The following PRKD1 variants were observed in gnomAD, a reference collection of about 807,000 sequenced individuals.
PRKD1 encodes the protein serine/threonine-protein kinase D1.
PRKD1 carries 63 observed loss-of-function variants against 95.9 expected under a neutral mutation model. That is an observed-to-expected ratio of 0.66 (90% CI 0.54 to 0.81). The LOEUF (loss-of-function observed/expected upper bound fraction) is 0.81, where lower values mean the gene tolerates loss of function less well. PRKD1 is among the 30% of genes least tolerant of loss of function. The pLI is 0.00. For synonymous variants in PRKD1, 425 were observed against 423.1 expected (o/e 1.00, Z -0.05); for missense variants, 1,048 against 1,165.3 (o/e 0.90, Z 1.47).
intron 2 of PRKD1, among the ~76,000 whole-genome samples, chr14:29,683,308 C>T (rs796179018): frequency 1.3e-5 from 2 of 152,274 alleles, no homozygotes; most frequent in African/African-American, 4.8e-5. Flanking sequence ...TGAGCCCTTA[C>T]AACTGACCAG....
At chr14:29,917,969 T>C (rs1429833089) in intron 1 of PRKD1, among the ~76,000 whole-genome samples, 1 of 152,150 alleles carries the variant, frequency 6.6e-6, no homozygotes, top group Non-Finnish European at 1.5e-5. Flanking sequence ...GGGGTACATG[T>C]ACGGTTTTGT....
At position 29,638,699 on chromosome 14, in the gene PRKD1, C is replaced by T; in HGVS notation, c.902G>A (p.Cys301Tyr). 1 of 1,614,082 alleles carries T rather than the reference C, an allele frequency of 6.2e-7. No homozygotes were observed. The highest frequency in any genetic ancestry group is 8.5e-7 in the Non-Finnish European group (1 of 1,179,978). The part of the protein sequence containing the change: ...LKGLFRQGLQ[C>Y]KDCRFNCHKR... ...GGTGACAAAATCATCCTTACCTTTG[C>T]ACTGCAAGCCCTGCCTGAAAAGCCC... Residue 301 changes from cysteine (C) to tyrosine (Y), a missense_variant, in exon 5 of 18, where the codon TGC becomes TAC. By Grantham distance (194) the Cys-to-Tyr change is radical. Transcript: ENST00000331968.
intron 13 of PRKD1, among the ~76,000 whole-genome samples, chr14:29,613,968 TTGAA>T (rs1878666131): frequency 6.6e-6 from 1 of 152,204 alleles, no homozygotes; most frequent in South Asian, 2.1e-4. Flanking sequence ...TAATTATACT[TTGAA>T]TGAATGAATG....
At position 29,811,140 on chromosome 14, in the gene PRKD1, TG is replaced by T. The variant is rs1199500709; in HGVS notation, c.265-85467del. Reference sequence around the variant, plus strand: ...CCTTGTTCATAAAGCAGAGGAAAAGTGCCATTAAAGGTACTAAAATATCAAG... The same window carrying T: ...CCTTGTTCATAAAGCAGAGGAAAAGTCCATTAAAGGTACTAAAATATCAAG... On this transcript the variant is annotated intron_variant, in intron 1 of 17. Transcript: ENST00000331968. Among the ~76,000 whole-genome samples the T allele has an allele frequency of 9.9e-5, 15 of 152,278 alleles. No individual in the cohort carries two copies. The East Asian group carries it at 2.9e-3, about 29-fold the overall frequency.
chr14:29,919,992 GGA>G (rs1895033156), intron 1 of PRKD1, among the ~76,000 whole-genome samples: 8 of 146,442 alleles, frequency 5.5e-5, no homozygotes, highest in African/African-American at 2.0e-4. Flanking sequence ...GAGAAAGAGA[GGA>G]AGGAAGGTAG....
intron 1 of PRKD1, among the ~76,000 whole-genome samples, chr14:29,774,893 T>C (rs559287461): frequency 6.6e-6 from 1 of 152,262 alleles, no homozygotes; most frequent in African/African-American, 2.4e-5. Context: ...AGTGGTGCTT[T>C]ATGAAGATGT....
At chr14:29,891,522 C>T (rs1293013616) in intron 1 of PRKD1, among the ~76,000 whole-genome samples, 7 of 152,130 alleles carry the variant, frequency 4.6e-5, no homozygotes, top group African/African-American at 1.4e-4. Context: ...CCTTTTCCTT[C>T]GAGTCTATTT....
chr14:29,645,279 G>C (rs1385345579), intron 4 of PRKD1, among the ~76,000 whole-genome samples: 1 of 152,110 alleles, frequency 6.6e-6, no homozygotes, highest in African/African-American at 2.4e-5. Flanking sequence ...TTGACCTACA[G>C]AAGAGATTTC....
At chr14:29,725,455 T>G (rs1425504172) in intron 2 of PRKD1, 81 bp downstream of exon 2, 42 of 1,498,298 alleles carry the variant, frequency 2.8e-5, no homozygotes, top group Non-Finnish European at 3.7e-5. Flanking sequence ...CTTTTTATGT[T>G]TCCTTAAAAA....
rs557764374 is a variant in PRKD1, at chr14:29,749,783, T to G, written c.265-24109A>C. Among the ~76,000 whole-genome samples, 5 of 152,282 alleles carry G rather than the reference T, an allele frequency of 3.3e-5. No homozygotes were observed. In the South Asian group the frequency reaches 1.0e-3, roughly 32 times the overall value. On this transcript the variant is annotated intron_variant, in intron 1 of 17. Transcript: ENST00000331968. Reference sequence around the variant, plus strand: ...AGGAGATGATATTTAAAAAAATCAGTGACTAATAGATAAAACCCTATACCT... The same window carrying G: ...AGGAGATGATATTTAAAAAAATCAGGGACTAATAGATAAAACCCTATACCT...
intron 1 of PRKD1, among the ~76,000 whole-genome samples, chr14:29,797,536 C>G (rs1889868587): frequency 6.6e-6 from 1 of 152,180 alleles, no homozygotes; most frequent in South Asian, 2.1e-4. Context: ...CAAACCATCA[C>G]CGAGTGACAA....
chr14:29,683,592 A>G (rs888098244), intron 2 of PRKD1, among the ~76,000 whole-genome samples: 2 of 152,242 alleles, frequency 1.3e-5, no homozygotes, highest in Admixed American at 1.3e-4. Context: ...GAGCCATAAA[A>G]GAGGAGGCAA....
intron 1 of PRKD1, among the ~76,000 whole-genome samples, chr14:29,919,689 G>A (rs115026486): frequency 0.018 from 2,628 of 146,016 alleles, 80 homozygotes; most frequent in African/African-American, 0.062. Context: ...GAGGCTGAGC[G>A]CAGTGGCTCA....
intron 1 of PRKD1, among the ~76,000 whole-genome samples, chr14:29,837,555 AATGG>A (rs1223932682): frequency 1.3e-5 from 2 of 152,230 alleles, no homozygotes; most frequent in Non-Finnish European, 2.9e-5. Context: ...ATTAGGATGA[AATGG>A]AGTAGCATTA....
chr14:29,800,286 A>T (rs1488810448), intron 1 of PRKD1, among the ~76,000 whole-genome samples: 1 of 152,192 alleles, frequency 6.6e-6, no homozygotes, highest in African/African-American at 2.4e-5. Context: ...GTATATCTCC[A>T]ATCAACTTGG....
chr14:29,732,882 T>C (rs191439008), intron 1 of PRKD1, among the ~76,000 whole-genome samples: 356 of 151,582 alleles, frequency 2.3e-3, no homozygotes, highest in African/African-American at 4.8e-3. Context: ...TCAATGACTT[T>C]AAACAATTTG....
At chr14:29,721,606 G>C (rs1885900098) in intron 2 of PRKD1, among the ~76,000 whole-genome samples, 1 of 152,018 alleles carries the variant, frequency 6.6e-6, no homozygotes, top group African/African-American at 2.4e-5. Context: ...CCATCATGAA[G>C]AAGGCTTCAA....
intron 16 of PRKD1, among the ~76,000 whole-genome samples, chr14:29,584,104 T>C (rs536733422): frequency 3.0e-4 from 46 of 152,342 alleles, no homozygotes; most frequent in Non-Finnish European, 5.3e-4. Context: ...AAATGGTATA[T>C]GCGGGTGCAG....
chr14:29,648,827 T>C (rs1010416902), intron 4 of PRKD1, among the ~76,000 whole-genome samples: 2 of 152,140 alleles, frequency 1.3e-5, no homozygotes, highest in Admixed American at 6.5e-5. Flanking sequence ...GCTAATTTTT[T>C]GTATTTTTAG....
Sources: allele counts gnomAD v4.1 joint callset (sites outside exome capture counted in the v4.1 genomes callset), GRCh38; gene constraint gnomAD v4.1.1; transcripts MANE v1.5; gene names NCBI Gene and HGNC (gene_info 2026-07-23, HGNC 2026-07-21).